RABL6: variants seen among roughly 807,000 people sequenced by gnomAD.
RABL6 encodes rab-like protein 6.
A neutral mutation model predicts 72.9 loss-of-function variants in RABL6; 28 were observed. The ratio of observed to expected loss-of-function variants is 0.38; its 90% confidence interval spans 0.28 to 0.53. The LOEUF is 0.53. Ranked by LOEUF, RABL6 falls within the 20% of genes least tolerant of loss-of-function variation. The pLI is 0.80. For synonymous variants in RABL6, 477 were observed against 421.2 expected (o/e 1.13, Z -1.62); for missense variants, 1,029 against 1,008.4 (o/e 1.02, Z -0.28).
At chr9:136,808,450 GCC>G (rs1387598540) in intron 1 of RABL6, 124 bp downstream of exon 1, 1 of 1,097,852 alleles carries the variant, frequency 9.1e-7, no homozygotes, top group African/African-American at 1.7e-5. Flanking sequence ...CGCTGGGCCC[GCC>G]GGGCGCTCCG....
chr9:136,840,005 G>A (rs763292507), intron 13 of RABL6, 140 bp downstream of exon 13: 18 of 1,477,610 alleles, frequency 1.2e-5, no homozygotes, highest in Non-Finnish European at 1.7e-5. Context: ...CCCTGCAGGA[G>A]CTGATGTTTG....
At chr9:136,831,294 C>T (rs1215820147) in intron 5 of RABL6, among the ~76,000 whole-genome samples, 1 of 152,216 alleles carries the variant, frequency 6.6e-6, no homozygotes, top group Non-Finnish European at 1.5e-5. Context: ...CAGAGGCACC[C>T]CAGGGTGTCC....
chr9:136,821,843 C>T (rs1373337125), intron 1 of RABL6: 4 of 1,204,054 alleles, frequency 3.3e-6, no homozygotes, highest in Admixed American at 3.3e-5. Flanking sequence ...GGGGTGGGCT[C>T]GGCCGGGAGA....
At chr9:136,834,310 C>T in intron 7 of RABL6, 2 of 1,026,644 alleles carry the variant, frequency 1.9e-6, no homozygotes, top group Non-Finnish European at 2.3e-6. Flanking sequence ...GCCACAATAA[C>T]AAATTGAAAA....
intron 10 of RABL6, 86 bp downstream of exon 10, chr9:136,838,101 C>CCCCTTCT: frequency 6.7e-7 from 1 of 1,486,200 alleles, no homozygotes; most frequent in Non-Finnish European, 9.1e-7. Flanking sequence ...TTTCTAGGGG[C>CCCCTTCT]GCAGAAGGGG....
At chr9:136,817,532 T>C (rs111856213) in intron 1 of RABL6, among the ~76,000 whole-genome samples, 1 of 28,510 alleles carries the variant, frequency 3.5e-5, no homozygotes, top group African/African-American at 1.0e-4. Context: ...ACGTGGGCTG[T>C]GGGGAGGCCG....
At position 136,839,612 on chromosome 9, in the gene RABL6, C is replaced by G. The variant is rs543585820; in HGVS notation, c.1759-82C>G. 7 of 1,545,186 alleles carry G rather than the reference C, an allele frequency of 4.5e-6. No individual in the cohort carries two copies. The African/African-American group carries it at 9.5e-5, about 21-fold the overall frequency. On this transcript the variant is annotated intron_variant, in intron 12 of 14. Transcript: ENST00000311502. ...GCATCTCATGTCCCCACACTTGGGC[C>G]TTGCCGGCCTGGTTTGAGATCCCAC...
chr9:136,812,219 G>A (rs554508923), intron 1 of RABL6, among the ~76,000 whole-genome samples: 29 of 152,210 alleles, frequency 1.9e-4, no homozygotes, highest in African/African-American at 6.5e-4. Context: ...CCAGGAGCTC[G>A]GACAACCAGA....
rs1053656326 is a variant in RABL6, at chr9:136,823,895, C to T, written c.265+236C>T. ...ACCTGGGAGGCTCAGCTTGGGGCAG[C>T]GTTGGCCGCAGGTGAGTGGGCACGC... On this transcript the variant is annotated intron_variant, in intron 2 of 14. Coordinates refer to ENST00000311502, the MANE Select transcript of RABL6 (RefSeq NM_024718.5). 3.9e-5 allele frequency among the ~76,000 whole-genome samples: 6 copies of T among 152,200 alleles called. No homozygotes were observed. The East Asian group carries it at 9.6e-4, about 24-fold the overall frequency.
At chr9:136,838,067 G>C in intron 10 of RABL6, 52 bp downstream of exon 10, 2 of 1,542,614 alleles carry the variant, frequency 1.3e-6, no homozygotes, top group Non-Finnish European at 1.8e-6. Context: ...CCTCCAGGGT[G>C]CCCGAGCAGC....
At chr9:136,819,510 T>C (rs11145896) in intron 1 of RABL6, among the ~76,000 whole-genome samples, 9,321 of 152,174 alleles carry the variant, frequency 0.061, 710 homozygotes, top group African/African-American at 0.18. Flanking sequence ...TTTTTTTCTT[T>C]AATTTGGCTA....
Position 136,833,958 on chromosome 9 carries a change from A to G in RABL6, c.705+1588A>G, listed in dbSNP as rs137939933. ...CCACTGCTCAGCTGCTCCATTCCCT[A>G]ATGGTTTGCCCTCCAAACCCTTCCA... On this transcript the variant is annotated intron_variant, in intron 7 of 14. Coordinates refer to ENST00000311502, the MANE Select transcript of RABL6 (RefSeq NM_024718.5). 1,504 of 1,543,362 alleles carry G rather than the reference A, an allele frequency of 9.7e-4. 14 individuals are homozygous for G. In the African/African-American group the frequency reaches 0.018, roughly 19 times the overall value.
chr9:136,809,656 C>G (rs964561951), intron 1 of RABL6: 1 of 160,318 alleles, frequency 6.2e-6, no homozygotes. Flanking sequence ...ATGTCCGAAC[C>G]AAGGGCCGTA....
Position 136,828,503 on chromosome 9 carries a change from A to G in RABL6, c.323A>G (p.Lys108Arg), listed in dbSNP as rs375030485. The change falls in exon 4 of 15, where the codon AAA becomes AGA. Residue 108 changes from lysine to arginine, a missense_variant. Around this residue, in one of 2 missense-constraint regions of RABL6, gnomAD observed 434 missense variants for 536.1 expected, o/e 0.81. Transcript: ENST00000311502. ...VWDVVDKGKC[K>R]KRGDGLKMEN... The stretch of plus-strand genomic sequence containing the variant: ...TTTGTTTTTAAATAAGGAAAATGCA[A>G]AAAGCGAGGCGACGGCTTAAAGATG... The G allele has an allele frequency of 6.2e-7, 1 of 1,613,288 alleles. No individual in the cohort carries two copies. The highest frequency in any genetic ancestry group is 1.3e-5 in the African/African-American group (1 of 75,052).
At position 136,837,394 on chromosome 9, in the gene RABL6, G is replaced by C; in HGVS notation, c.858G>C (p.Leu286=). ...EARSRGHASP[L]AANGQSPSPG... ...GCAGCCGTGGCCATGCGTCCCCACT[G>C]GCGGCCAACGGGCAGAGCCCATCCC... The change falls in exon 9 of 15, where the codon CTG becomes CTC. Residue 286 remains leucine, a synonymous_variant. Transcript: ENST00000311502. 6.3e-7 allele frequency: 1 copy of C among 1,598,504 alleles called. No homozygotes were observed. Among genetic ancestry groups the C allele is most frequent in the South Asian group, 1.1e-5 (1 of 88,782 alleles).
intron 1 of RABL6, chr9:136,813,274 C>CTG: frequency 5.2e-6 from 3 of 581,892 alleles, no homozygotes; most frequent in South Asian, 5.1e-5. Context: ...ATGAAGCGAA[C>CTG]TGTAAGTGCA....
At chr9:136,813,607 C>A in intron 1 of RABL6, 1 of 314,492 alleles carries the variant, frequency 3.2e-6, no homozygotes. Flanking sequence ...ATCTCCACAG[C>A]ATCTTCAAAC....
At chr9:136,815,641 GCTGGGCCCTTGT>G (rs1192500153) in intron 1 of RABL6, 1 of 161,800 alleles carries the variant, frequency 6.2e-6, no homozygotes, top group Non-Finnish European at 1.3e-5. Context: ...TGGGGAGGTG[GCTGGGCCCTTGT>G]AATGGGCCCA....
At chr9:136,814,245 C>T (rs1588347245) in intron 1 of RABL6, 1 of 205,186 alleles carries the variant, frequency 4.9e-6, no homozygotes, top group East Asian at 1.8e-4. Flanking sequence ...GGCTGGAGTG[C>T]AATGGTGCTC....
Sources: allele counts gnomAD v4.1 joint callset (sites outside exome capture counted in the v4.1 genomes callset), GRCh38; gene constraint gnomAD v4.1.1; regional missense constraint gnomAD v4.1.1; transcripts MANE v1.5; gene names NCBI Gene and HGNC (gene_info 2026-07-23, HGNC 2026-07-21).